HS3ST5: variants seen among roughly 807,000 people sequenced by gnomAD.
The protein encoded by HS3ST5 is heparan sulfate-glucosamine 3-sulfotransferase 5, also known as heparan sulfate glucosamine 3-O-sulfotransferase 5.
Under a neutral mutation model 25.4 loss-of-function variants are expected in HS3ST5, and 10 were observed. That is an observed-to-expected ratio of 0.39 (90% CI 0.24 to 0.67). The LOEUF (loss-of-function observed/expected upper bound fraction) is 0.67, where lower values mean the gene tolerates loss of function less well. Ranked by LOEUF, HS3ST5 falls within the 30% of genes least tolerant of loss-of-function variation. HS3ST5 has a pLI of 0.44. For synonymous variants in HS3ST5, 170 were observed against 162.4 expected, an observed-to-expected ratio of 1.05 and a Z score of -0.36; for missense variants, 324 against 420.7, an observed-to-expected ratio of 0.77 and a Z score of 2.01.
intron 1 of HS3ST5, among the ~76,000 whole-genome samples, chr6:114,316,090 A>C (rs17076036): frequency 0.035 from 5,402 of 152,296 alleles, 323 homozygotes; most frequent in African/African-American, 0.12. Context: ...AGTGCCATTA[A>C]GAGAAGCGGA....
chr6:114,084,556 C>G, intron 3 of HS3ST5: 1 of 761,166 alleles, frequency 1.3e-6, no homozygotes, highest in Middle Eastern at 3.4e-4. Context: ...TGAGTGAGCT[C>G]CCTCGTTGTT....
In HS3ST5 at chr6:114,329,185, G is replaced by A. The variant is rs374750955; in HGVS notation, c.-339+13010C>T. 8.5e-5 allele frequency among the ~76,000 whole-genome samples: 13 copies of A among 152,276 alleles called. 1 individual carries two copies. The South Asian group carries it at 2.7e-3, about 32-fold the overall frequency. ...CTGGCAAATTTGATTACACATAGAG[G>A]AGCATCACTTTGAAGTGGGGAGTAG... On this transcript the variant is annotated intron_variant, in intron 1 of 4. Coordinates refer to ENST00000312719, the MANE Select transcript of HS3ST5 (RefSeq NM_153612.4).
At chr6:114,260,536 GGTATTAACTAGAACGCACA>G (rs1349286189) in intron 1 of HS3ST5, among the ~76,000 whole-genome samples, 1 of 152,092 alleles carries the variant, frequency 6.6e-6, no homozygotes, top group Non-Finnish European at 1.5e-5. Flanking sequence ...GAGAAGTCAG[GGTATTAACTAGAACGCACA>G]GTTTTCTTTG....
At chr6:114,214,592 G>T (rs1230332925) in intron 2 of HS3ST5, among the ~76,000 whole-genome samples, 2 of 152,108 alleles carry the variant, frequency 1.3e-5, no homozygotes, top group Non-Finnish European at 2.9e-5. Flanking sequence ...CTCCTTAACT[G>T]CACGTCAGAA....
intron 1 of HS3ST5, among the ~76,000 whole-genome samples, chr6:114,298,145 T>A (rs188836320): frequency 2.0e-5 from 3 of 152,298 alleles, no homozygotes; most frequent in African/African-American, 7.2e-5. Flanking sequence ...CAGAGGCAAT[T>A]TCCTTACTAT....
intron 1 of HS3ST5, among the ~76,000 whole-genome samples, chr6:114,316,885 G>A (rs1775768225): frequency 6.6e-6 from 1 of 151,514 alleles, no homozygotes. Flanking sequence ...AAAGAGGTGA[G>A]CTGTGAATCA....
chr6:114,310,506 CTTTA>C (rs1775484384), intron 1 of HS3ST5, among the ~76,000 whole-genome samples: 1 of 151,736 alleles, frequency 6.6e-6, no homozygotes, highest in African/African-American at 2.4e-5. Context: ...GTGGAAAAGA[CTTTA>C]TTTACTCACC....
In HS3ST5 at chr6:114,141,950, T is replaced by G. The variant is rs570814854; in HGVS notation, c.-33+26401A>C. On this transcript the variant is annotated intron_variant, in intron 3 of 4. Coordinates refer to ENST00000312719, the MANE Select transcript of HS3ST5 (RefSeq NM_153612.4). ...CATGCGAATGGCTCTCAGATCCTTA[T>G]CTATTTGAATAAAACAAATGCTTCC... 2.0e-5 allele frequency among the ~76,000 whole-genome samples: 3 copies of G among 152,152 alleles called. No homozygotes were observed. The East Asian group carries it at 5.8e-4, about 29-fold the overall frequency.
At chr6:114,179,194 C>T (rs780665848) in intron 2 of HS3ST5, 1 of 152,156 alleles carries the variant, frequency 6.6e-6, no homozygotes, top group Non-Finnish European at 1.5e-5. Flanking sequence ...CTGTTTTGCT[C>T]ACTGCTGTAT....
At chr6:114,307,327 T>G (rs1775338138) in intron 1 of HS3ST5, among the ~76,000 whole-genome samples, 1 of 151,842 alleles carries the variant, frequency 6.6e-6, no homozygotes, top group Non-Finnish European at 1.5e-5. Context: ...GATGCCACCT[T>G]TGAAGTATGT....
intron 3 of HS3ST5, among the ~76,000 whole-genome samples, chr6:114,083,195 C>G (rs1000160821): frequency 1.3e-5 from 2 of 152,048 alleles, no homozygotes; most frequent in Non-Finnish European, 2.9e-5. Flanking sequence ...GCAGGTCCAA[C>G]AGAGTGAGGG....
At chr6:114,260,893 T>C (rs1773140613) in intron 1 of HS3ST5, among the ~76,000 whole-genome samples, 1 of 151,754 alleles carries the variant, frequency 6.6e-6, no homozygotes, top group African/African-American at 2.4e-5. Flanking sequence ...AGGTAGGTCC[T>C]AAACTGTTTA....
At chr6:114,097,016 A>G (rs1037452310) in intron 3 of HS3ST5, among the ~76,000 whole-genome samples, 3 of 152,060 alleles carry the variant, frequency 2.0e-5, no homozygotes, top group African/African-American at 7.2e-5. Flanking sequence ...CATTGCACTC[A>G]ATTTCTTTGG....
intron 3 of HS3ST5, among the ~76,000 whole-genome samples, chr6:114,122,946 G>C (rs2114881888): frequency 6.6e-6 from 1 of 151,630 alleles, no homozygotes; most frequent in Non-Finnish European, 1.5e-5. Flanking sequence ...GATAGTTTTT[G>C]TTTGTTTGTT....
At chr6:114,316,464 C>G (rs1775752412) in intron 1 of HS3ST5, among the ~76,000 whole-genome samples, 1 of 152,150 alleles carries the variant, frequency 6.6e-6, no homozygotes, top group Non-Finnish European at 1.5e-5. Context: ...ATTGTTTATT[C>G]TGTCACATAT....
At chr6:114,080,420 C>T (rs2114760796) in intron 3 of HS3ST5, among the ~76,000 whole-genome samples, 1 of 152,318 alleles carries the variant, frequency 6.6e-6, no homozygotes, top group Non-Finnish European at 1.5e-5. Flanking sequence ...TTTGACCCAG[C>T]AATCCCATTA....
chr6:114,142,734 T>G (rs1187271500), intron 3 of HS3ST5: 1 of 152,190 alleles, frequency 6.6e-6, no homozygotes, highest in Non-Finnish European at 1.5e-5. Context: ...CTTCATGAGC[T>G]CTACACAAAT....
At chr6:114,122,304 A>G (rs1776829310) in intron 3 of HS3ST5, among the ~76,000 whole-genome samples, 1 of 152,214 alleles carries the variant, frequency 6.6e-6, no homozygotes, top group African/African-American at 2.4e-5. Context: ...CATTCACATA[A>G]GCATTCATTA....
In HS3ST5 at chr6:114,127,954, A is replaced by AATAT. The variant is rs1398015032; in HGVS notation, c.-33+40393_-33+40396dup. ...GAGAAATTTATATATATATAAAATA[A>AATAT]ATATATATGTGTGCATATTTATAGC... is the stretch of plus-strand genomic sequence containing the variant. On this transcript the variant is annotated intron_variant, in intron 3 of 4. Coordinates refer to ENST00000312719, the MANE Select transcript of HS3ST5 (RefSeq NM_153612.4). Among the ~76,000 whole-genome samples the AATAT allele has an allele frequency of 3.3e-5, 5 of 150,660 alleles. No homozygotes were observed. In the East Asian group the frequency reaches 9.7e-4, roughly 29 times the overall value.
Sources: gnomAD v4.1 joint callset for allele counts (sites outside exome capture counted in the v4.1 genomes callset) on GRCh38, gnomAD v4.1.1 for gene constraint, MANE v1.5 for transcripts, NCBI Gene and HGNC (gene_info 2026-07-23, HGNC 2026-07-21) for gene names.